LIMK1: variants seen among roughly 807,000 people sequenced by gnomAD.
The protein encoded by LIMK1 is LIM motif-containing protein kinase.
In LIMK1, 21 loss-of-function variants were observed where a neutral mutation model predicts 77.6. The observed-to-expected ratio is 0.27, with a 90% CI of 0.19 to 0.39. LIMK1 has a LOEUF of 0.39. LIMK1 is among the 10% of genes least tolerant of loss of function. LIMK1 has a pLI of 1.00. For missense variants in LIMK1, 696 were observed against 901.6 expected (o/e 0.77, Z 2.92); for synonymous variants, 358 against 370.0 (o/e 0.97, Z 0.37).
At chr7:74,093,975 GGCCCCGA>G (rs1296351056) in intron 2 of LIMK1, 1 of 152,334 alleles carries the variant, frequency 6.6e-6, no homozygotes, top group Non-Finnish European at 1.5e-5. Flanking sequence ...GGTTCACTGA[GGCCCCGA>G]GCCCCAGCCA....
rs782647037 is a variant in LIMK1, at chr7:74,120,996, C to G, written c.1728C>G (p.Pro576=). 1 of 1,611,168 alleles carries G rather than the reference C, an allele frequency of 6.2e-7. No homozygotes were observed. The highest frequency in any genetic ancestry group is 1.3e-5 in the African/African-American group (1 of 74,786). The change falls in exon 15 of 16, where the codon CCC becomes CCG. Residue 576 remains proline, a synonymous_variant. Transcript: ENST00000336180. ...FLDRYCPPNC[P]PSFFPITVRC... The stretch of plus-strand genomic sequence containing the variant: ...ACCGCTACTGCCCCCCAAACTGCCC[C>G]CCGAGCTTCTTCCCCATCACCGTGC...
rs368229173 is a variant in LIMK1 at position 74,120,642 on chromosome 7, G to C, written c.1623+4G>C. On this transcript the variant is annotated splice_donor_region_variant and intron_variant, in intron 14 of 15. Coordinates refer to ENST00000336180, the MANE Select transcript of LIMK1 (RefSeq NM_002314.4). Reference sequence around the variant, plus strand: ...CTTTGGGATCGTCCTGTGCGAGGTAGGTCCAGGGTTGGGTAGCAGCGGTGT... The same window carrying C: ...CTTTGGGATCGTCCTGTGCGAGGTACGTCCAGGGTTGGGTAGCAGCGGTGT... 1 of 1,614,224 alleles carries C rather than the reference G, an allele frequency of 6.2e-7. No individual in the cohort carries two copies.
intron 4 of LIMK1, among the ~76,000 whole-genome samples, chr7:74,097,982 G>A (rs550507112): frequency 4.4e-4 from 67 of 152,228 alleles, no homozygotes; most frequent in Admixed American, 1.2e-3. Flanking sequence ...GCTCAGGTCC[G>A]ACCAAATGAA....
At position 74,120,627 on chromosome 7, in the gene LIMK1, G is replaced by A. The variant is rs375588485; in HGVS notation, c.1612G>A (p.Val538Ile). Residue 538 changes from valine (V) to isoleucine (I), a missense_variant, in exon 14 of 16, where the codon GTC becomes ATC. By Grantham distance (29) the Val-to-Ile change is conservative (BLOSUM62 3). Coordinates refer to ENST00000336180, the MANE Select transcript of LIMK1 (RefSeq NM_002314.4). ...EKVDVFSFGI[V>I]LCEIIGRVNA... ...GGTGGATGTGTTCTCCTTTGGGATCGTCCTGTGCGAGGTAGGTCCAGGGTT... is the reference window on the plus strand; with the variant it reads ...GGTGGATGTGTTCTCCTTTGGGATCATCCTGTGCGAGGTAGGTCCAGGGTT... The A allele has an allele frequency of 2.2e-5, 35 of 1,614,086 alleles. No homozygotes were observed. The highest frequency in any genetic ancestry group is 2.7e-5 in the Non-Finnish European group (32 of 1,180,040).
intron 2 of LIMK1, among the ~76,000 whole-genome samples, chr7:74,091,583 G>A (rs77654669): frequency 0.023 from 3,522 of 152,270 alleles, 74 homozygotes; most frequent in Middle Eastern, 0.048. Context: ...GTCTCACAGC[G>A]CGTGAGGAGT....
rs782146127 is a variant in LIMK1 at position 74,085,864 on chromosome 7, G to A, written c.152+20G>A. On this transcript the variant is annotated intron_variant, in intron 2 of 15. Coordinates refer to ENST00000336180, the MANE Select transcript of LIMK1 (RefSeq NM_002314.4). ...CTTCAGGTAGGGTGGGGTGCCCAGG[G>A]CCTGTGTTGCCCTAAACAAGGCCTG... 4 of 1,530,642 alleles carry A rather than the reference G, an allele frequency of 2.6e-6. 1 individual carries two copies. The South Asian group carries it at 4.8e-5, about 18-fold the overall frequency. The allele number at this position is 1,530,642 out of a possible 1,614,324, so 94.8% of individuals were successfully genotyped here.
intron 12 of LIMK1, among the ~76,000 whole-genome samples, chr7:74,114,955 G>A (rs565607026): frequency 1.3e-5 from 2 of 152,034 alleles, no homozygotes; most frequent in East Asian, 3.9e-4. Flanking sequence ...CAGGTATGGT[G>A]GCTTACTCCT....
chr7:74,118,880 ATTTTGTT>A (rs200172259), intron 13 of LIMK1, among the ~76,000 whole-genome samples: 1,572 of 152,034 alleles, frequency 0.01, 29 homozygotes, highest in African/African-American at 0.035. Flanking sequence ...TGTTTCGGGT[ATTTTGTT>A]TTTTGTTTTT....
intron 13 of LIMK1, among the ~76,000 whole-genome samples, chr7:74,117,758 T>C (rs1799844422): frequency 6.6e-6 from 1 of 152,088 alleles, no homozygotes; most frequent in African/African-American, 2.4e-5. Context: ...TGCAGTGAGC[T>C]ATGATCATAC....
Position 74,120,611 on chromosome 7 carries a change from G to A in LIMK1, c.1596G>A (p.Val532=). 6 of 1,614,254 alleles carry A rather than the reference G, an allele frequency of 3.7e-6. No homozygotes were observed. The highest frequency in any genetic ancestry group is 5.1e-6 in the Non-Finnish European group (6 of 1,180,044). ...GCAGCTATGATGAGAAGGTGGATGT[G>A]TTCTCCTTTGGGATCGTCCTGTGCG... ...NGRSYDEKVD[V]FSFGIVLCEI... The change falls in exon 14 of 16, where the codon GTG becomes GTA. Residue 532 remains valine, a synonymous_variant. Transcript: ENST00000336180.
intron 13 of LIMK1, among the ~76,000 whole-genome samples, chr7:74,117,151 G>A (rs1226141576): frequency 6.6e-6 from 1 of 152,164 alleles, no homozygotes; most frequent in Non-Finnish European, 1.5e-5. Context: ...AAAGTGCTGG[G>A]ATTACAGGCG....
chr7:74,108,852 AG>A (rs1392166437), intron 9 of LIMK1, 52 bp from the exon 10 acceptor site: 52 of 1,590,416 alleles, frequency 3.3e-5, no homozygotes, highest in Non-Finnish European at 4.5e-5. Flanking sequence ...AGCAGACCCA[AG>A]CACAGCTGGG....
intron 12 of LIMK1, among the ~76,000 whole-genome samples, chr7:74,113,264 C>T (rs1799739912): frequency 6.6e-6 from 1 of 151,872 alleles, no homozygotes; most frequent in Non-Finnish European, 1.5e-5. Context: ...GTAGAGGTTG[C>T]AGTGAGCCAA....
intron 5 of LIMK1, among the ~76,000 whole-genome samples, chr7:74,103,249 CTTT>C (rs1233300842): frequency 7.4e-6 from 1 of 135,374 alleles, no homozygotes. Flanking sequence ...AATGTTTTTC[CTTT>C]TTTTTTTTTT....
At chr7:74,111,302 G>T (rs1462209851) in intron 10 of LIMK1, 1 of 262,378 alleles carries the variant, frequency 3.8e-6, no homozygotes, top group East Asian at 7.9e-5. Context: ...GCTGGGTGTG[G>T]TGGCGCATGC....
chr7:74,104,911 C>T (rs1398952349), intron 5 of LIMK1, among the ~76,000 whole-genome samples: 2 of 152,084 alleles, frequency 1.3e-5, no homozygotes, highest in African/African-American at 2.4e-5. Context: ...CTCATCTGCC[C>T]CAAGCATACC....
At chr7:74,088,602 A>G (rs1554694373) in intron 2 of LIMK1, among the ~76,000 whole-genome samples, 1 of 151,902 alleles carries the variant, frequency 6.6e-6, no homozygotes, top group East Asian at 1.9e-4. Flanking sequence ...GGAGCTTGAG[A>G]CCAGCCTGGC....
In LIMK1 at chr7:74,096,772, C is replaced by T. The variant is rs1554695701; in HGVS notation, c.291+12C>T. ...AGGGACTGGTTATGGTGAGCGCCCC[C>T]TGCCTTGCACACTCACCTGGGGTGG... On this transcript the variant is annotated intron_variant, in intron 3 of 15. Coordinates refer to ENST00000336180, the MANE Select transcript of LIMK1 (RefSeq NM_002314.4). The T allele has an allele frequency of 6.3e-7, 1 of 1,579,154 alleles. No homozygotes were observed. The highest frequency in any genetic ancestry group is 2.3e-5 in the East Asian group (1 of 44,354).
chr7:74,111,464 C>T, intron 10 of LIMK1, 184 bp from the exon 11 acceptor site: 1 of 597,056 alleles, frequency 1.7e-6, no homozygotes, highest in Non-Finnish European at 3.0e-6. Flanking sequence ...GAAATAATGT[C>T]TGTGAGCTGT....
Sources: gnomAD v4.1 joint callset for allele counts (sites outside exome capture counted in the v4.1 genomes callset) on GRCh38, gnomAD v4.1.1 for gene constraint, MANE v1.5 for transcripts, NCBI Gene and HGNC (gene_info 2026-07-23, HGNC 2026-07-21) for gene names.